Variants in HRH1 observed in about 807,000 individuals in gnomAD.
HRH1 encodes histamine receptor H1.
Under a neutral mutation model 10.3 loss-of-function variants are expected in HRH1, and 6 were observed. The observed-to-expected ratio is 0.58, with a 90% CI of 0.32 to 1.15. HRH1 has a LOEUF of 1.15. Among genes scored for constraint, HRH1 ranks in the 50% most tolerant of loss-of-function variants. The probability of loss-of-function intolerance (pLI) is 0.05; values close to 1 mark genes in which losing one functional copy is unlikely to be tolerated. For synonymous variants in HRH1, 242 were observed against 236.7 expected (o/e 1.02, Z -0.21); for missense variants, 514 against 615.3 (o/e 0.84, Z 1.74).
rs112938608 is a variant in HRH1 at position 11,144,345 on chromosome 3, A to ATGTG, written c.-36+6968_-36+6971dup. 4.0e-3 allele frequency among the ~76,000 whole-genome samples: 562 copies of ATGTG among 139,940 alleles called. 4 individuals carry two copies. Among genetic ancestry groups the ATGTG allele is most frequent in the African/African-American group, 0.011 (402 of 36,892 alleles). 91.8% of individuals were successfully genotyped at this position (139,940 alleles called of 152,430 possible). A position where few individuals can be genotyped will look rare whatever the true frequency, so the allele number is the denominator to read the frequency against. Reference sequence around the variant, plus strand: ...ATTGGTCTAAAAATGTGATATGTATATGTGTGTGTGTGTGTGTGTGTGTGT... The same window carrying ATGTG: ...ATTGGTCTAAAAATGTGATATGTATATGTGTGTGTGTGTGTGTGTGTGTGTGTGT... On this transcript the variant is annotated intron_variant, in intron 1 of 1. Transcript: ENST00000438284.
At chr3:11,224,183 T>A (rs1391073364) in intron 1 of HRH1, among the ~76,000 whole-genome samples, 1 of 152,178 alleles carries the variant, frequency 6.6e-6, no homozygotes, top group Non-Finnish European at 1.5e-5. Flanking sequence ...AGTTCTAGCA[T>A]GTGAGGCTGA....
rs148155369 is a variant in HRH1 at position 11,212,116 on chromosome 3, T to C, written c.-35-46887T>C. The stretch of plus-strand genomic sequence containing the variant: ...ACACGCTTGCTGTCCTGCCGTGAAA[T>C]GGCCACCTCCCCAGATATGATATCC... On this transcript the variant is annotated intron_variant, in intron 1 of 1. Coordinates refer to ENST00000431010, the MANE Select transcript of HRH1 (RefSeq NM_001098212.2). Among the ~76,000 whole-genome samples, 253 of 152,214 alleles carry C rather than the reference T, an allele frequency of 1.7e-3. 1 individual carries two copies. The highest frequency in any genetic ancestry group is 5.7e-3 in the African/African-American group (237 of 41,552).
At chr3:11,175,775 A>G (rs1937236953) in intron 1 of HRH1, among the ~76,000 whole-genome samples, 9 of 152,236 alleles carry the variant, frequency 5.9e-5, no homozygotes, top group Admixed American at 5.2e-4. Context: ...TGACAATTCA[A>G]ACACCAACAA....
intron 1 of HRH1, among the ~76,000 whole-genome samples, chr3:11,158,852 G>A (rs1199765674): frequency 6.6e-6 from 1 of 152,136 alleles, no homozygotes; most frequent in Non-Finnish European, 1.5e-5. Flanking sequence ...ATATACAATT[G>A]TAAGAGGTAC....
intron 1 of HRH1, among the ~76,000 whole-genome samples, chr3:11,207,340 G>A (rs1244276587): frequency 1.3e-5 from 2 of 151,960 alleles, no homozygotes; most frequent in Non-Finnish European, 2.9e-5. Flanking sequence ...CAAGGCGGGT[G>A]GATCACGAGG....
chr3:11,173,387 T>C (rs968967881), intron 1 of HRH1, among the ~76,000 whole-genome samples: 1 of 151,378 alleles, frequency 6.6e-6, no homozygotes, highest in Non-Finnish European at 1.5e-5. Context: ...TATATATATA[T>C]GGGGTTTTTT....
intron 1 of HRH1, among the ~76,000 whole-genome samples, chr3:11,183,855 CTTTTTT>C (rs60566877): frequency 1.1e-5 from 1 of 91,960 alleles, no homozygotes; most frequent in Non-Finnish European, 2.0e-5. Context: ...GGAAAGCTTG[CTTTTTT>C]TTTTTTTTTT....
At chr3:11,230,879 T>C (rs887496957) in intron 1 of HRH1, among the ~76,000 whole-genome samples, 2 of 152,142 alleles carry the variant, frequency 1.3e-5, no homozygotes, top group African/African-American at 4.8e-5. Flanking sequence ...CTCAATTTCC[T>C]CCAGTGGTAG....
At chr3:11,172,737 C>T (rs1392578136) in intron 1 of HRH1, among the ~76,000 whole-genome samples, 1 of 138,466 alleles carries the variant, frequency 7.2e-6, no homozygotes, top group Admixed American at 7.4e-5. Context: ...GAGTCTCGCT[C>T]TGTCCCCCAG....
chr3:11,225,840 G>A (rs890157073), intron 1 of HRH1, among the ~76,000 whole-genome samples: 13 of 152,176 alleles, frequency 8.5e-5, no homozygotes, highest in African/African-American at 2.7e-4. Context: ...ATGAGCCACC[G>A]CACCCGACCA....
intron 1 of HRH1, among the ~76,000 whole-genome samples, chr3:11,240,725 C>G (rs1939310894): frequency 6.6e-6 from 1 of 152,238 alleles, no homozygotes. Flanking sequence ...GCAGTCTGCT[C>G]TGTTCATCAC....
At chr3:11,230,891 A>T (rs542320334) in intron 1 of HRH1, among the ~76,000 whole-genome samples, 1 of 152,232 alleles carries the variant, frequency 6.6e-6, no homozygotes, top group Non-Finnish European at 1.5e-5. Flanking sequence ...CAGTGGTAGC[A>T]TATTACAAAA....
At position 11,140,768 on chromosome 3, in the gene HRH1, T is replaced by C. The variant is rs377154326; in HGVS notation, c.-36+3369T>C. On this transcript the variant is annotated intron_variant, in intron 1 of 1. Transcript: ENST00000438284. ...CTTCCCTGACCTCAGTGTCCCCATC[T>C]GTAAAGTGTACAGGGCCACGCTTAC... is the stretch of plus-strand genomic sequence containing the variant. Among the ~76,000 whole-genome samples, 9 of 152,314 alleles carry C rather than the reference T, an allele frequency of 5.9e-5. No individual in the cohort carries two copies. In the East Asian group the frequency reaches 1.2e-3, roughly 20 times the overall value.
chr3:11,189,702 G>T (rs896680704), intron 1 of HRH1, among the ~76,000 whole-genome samples: 1 of 151,680 alleles, frequency 6.6e-6, no homozygotes, highest in Middle Eastern at 3.2e-3. Context: ...GAGGCCAAAG[G>T]GGGTGGATCA....
chr3:11,248,711 G>A (rs973059256), intron 1 of HRH1, among the ~76,000 whole-genome samples: 1 of 152,240 alleles, frequency 6.6e-6, no homozygotes, highest in Non-Finnish European at 1.5e-5. Context: ...AAAGGCAAGA[G>A]GTGAAGTTAA....
intron 1 of HRH1, among the ~76,000 whole-genome samples, chr3:11,222,639 T>A (rs899686955): frequency 1.3e-5 from 2 of 151,922 alleles, no homozygotes; most frequent in East Asian, 3.9e-4. Flanking sequence ...GACGGGAAAG[T>A]ACAGCGGCCG....
chr3:11,252,357 G>C (rs1015184720), intron 1 of HRH1, among the ~76,000 whole-genome samples: 4 of 152,190 alleles, frequency 2.6e-5, no homozygotes, highest in Non-Finnish European at 4.4e-5. Flanking sequence ...CATGGGTTGA[G>C]AAAGCTGCTA....
At chr3:11,138,765 C>A (rs988197852) in intron 1 of HRH1, among the ~76,000 whole-genome samples, 4 of 149,868 alleles carry the variant, frequency 2.7e-5, no homozygotes, top group Admixed American at 1.3e-4. Flanking sequence ...GCCTCCATCT[C>A]CCAGGCTCAA....
intron 1 of HRH1, among the ~76,000 whole-genome samples, chr3:11,246,918 G>A (rs748114350): frequency 5.9e-5 from 9 of 152,186 alleles, no homozygotes; most frequent in Non-Finnish European, 1.2e-4. Flanking sequence ...ATGGTGGTGC[G>A]TGCCTGTGGT....
Sources: gnomAD v4.1 joint callset for allele counts (sites outside exome capture counted in the v4.1 genomes callset) on GRCh38, gnomAD v4.1.1 for gene constraint, MANE v1.5 for transcripts, NCBI Gene and HGNC (gene_info 2026-07-23, HGNC 2026-07-21) for gene names.